The following LCORL variants were observed in gnomAD, a reference collection of about 807,000 sequenced individuals.
LCORL encodes the protein ligand dependent nuclear receptor corepressor like, also known as ligand-dependent nuclear receptor corepressor-like protein.
A neutral mutation model predicts 141.8 loss-of-function variants in LCORL; 41 were observed. That is an observed-to-expected ratio of 0.29 (90% confidence interval 0.23 to 0.38). LCORL has a LOEUF of 0.38. LCORL is among the 10% of genes least tolerant of loss of function. The probability of loss-of-function intolerance (pLI) is 1.00; values close to 1 mark genes in which losing one functional copy is unlikely to be tolerated. For synonymous variants in LCORL, 618 were observed against 694.1 expected (o/e 0.89, Z 1.72); for missense variants, 1,759 against 2,035.0 (o/e 0.86, Z 2.61).
intron 1 of LCORL, among the ~76,000 whole-genome samples, chr4:18,014,623 A>G (rs561816490): frequency 6.6e-6 from 1 of 152,340 alleles, no homozygotes; most frequent in East Asian, 1.9e-4. Context: ...AAACTATATG[A>G]AAGGAAAGGA....
chr4:17,977,368 T>A (rs1281501958), intron 1 of LCORL, among the ~76,000 whole-genome samples: 1 of 152,192 alleles, frequency 6.6e-6, no homozygotes, highest in Non-Finnish European at 1.5e-5. Flanking sequence ...CTGCCATCCA[T>A]GTATGAAAGT....
chr4:17,845,953 TATC>T, intron 7 of LCORL, 52 bp from the exon 8 acceptor site: 1 of 1,410,372 alleles, frequency 7.1e-7, no homozygotes, highest in Non-Finnish European at 9.8e-7. Context: ...TCAAAGTAAT[TATC>T]AACCTTGTAA....
chr4:17,963,345 T>C (rs961042775), intron 2 of LCORL, among the ~76,000 whole-genome samples: 3 of 152,024 alleles, frequency 2.0e-5, no homozygotes, highest in African/African-American at 7.2e-5. Context: ...AGATTCAACT[T>C]ATCATTGTGC....
At chr4:17,875,616 T>C (rs991581828) in exon 7 of LCORL, 3 of 1,231,136 alleles carry the variant, frequency 2.4e-6, no homozygotes, top group African/African-American at 1.6e-5. Context: ...TATGAGACAT[T>C]CTGGGCTTTT....
At chr4:17,976,038 C>T (rs1218734191) in intron 1 of LCORL, among the ~76,000 whole-genome samples, 2 of 152,102 alleles carry the variant, frequency 1.3e-5, no homozygotes, top group East Asian at 3.8e-4. Context: ...AATGCTCCTC[C>T]TTGTCCTTGT....
At chr4:17,886,251 A>C (rs768389798) in intron 5 of LCORL, 90 bp from the exon 6 acceptor site, 1 of 739,278 alleles carries the variant, frequency 1.4e-6, no homozygotes, top group East Asian at 2.6e-5. Context: ...GATCTAATTC[A>C]TAACACTAGT....
At chr4:17,858,760 TA>T (rs1258285353) in intron 7 of LCORL, among the ~76,000 whole-genome samples, 5 of 146,402 alleles carry the variant, frequency 3.4e-5, no homozygotes, top group African/African-American at 7.8e-5. Context: ...TAATAATAGC[TA>T]AAAAATGTCT....
At chr4:17,990,753 C>A (rs1437795386) in intron 1 of LCORL, among the ~76,000 whole-genome samples, 1 of 151,692 alleles carries the variant, frequency 6.6e-6, no homozygotes, top group Non-Finnish European at 1.5e-5. Flanking sequence ...GGCCTCAGCC[C>A]GGTCCTGGCC....
chr4:17,985,901 T>A (rs1718883727), intron 1 of LCORL, among the ~76,000 whole-genome samples: 1 of 152,198 alleles, frequency 6.6e-6, no homozygotes, highest in Non-Finnish European at 1.5e-5. Flanking sequence ...CTAGTAATGA[T>A]CTTTCCTTTC....
rs138935080 is a variant in LCORL at position 17,985,228 on chromosome 4, G to A, written c.155-12343C>T. ...AGTATGTGATGTGCCATGTGGTGAT[G>A]AGAAGTAAGTATACTCTGCTGTTTT... On this transcript the variant is annotated intron_variant, in intron 1 of 7. Coordinates refer to ENST00000635767, the Ensembl canonical transcript of LCORL. 1.1e-4 allele frequency among the ~76,000 whole-genome samples: 16 copies of A among 152,236 alleles called. No individual in the cohort carries two copies. The East Asian group carries it at 2.7e-3, about 26-fold the overall frequency.
intron 4 of LCORL, among the ~76,000 whole-genome samples, chr4:17,922,560 A>T (rs1048596291): frequency 5.3e-5 from 8 of 152,248 alleles, no homozygotes; most frequent in African/African-American, 1.7e-4. Flanking sequence ...CAAGAGGAAC[A>T]TACTGAGTCT....
At chr4:17,995,801 T>C (rs1326582205) in intron 1 of LCORL, among the ~76,000 whole-genome samples, 1 of 152,132 alleles carries the variant, frequency 6.6e-6, no homozygotes, top group African/African-American at 2.4e-5. Context: ...TGTTTTGCCC[T>C]CTCATGAAAT....
intron 1 of LCORL, among the ~76,000 whole-genome samples, chr4:17,993,885 T>C (rs561305785): frequency 6.6e-6 from 1 of 152,292 alleles, no homozygotes; most frequent in East Asian, 1.9e-4. Flanking sequence ...CTTTGAACAA[T>C]ACAATTAAAT....
At chr4:17,950,840 T>C (rs1739606314) in intron 4 of LCORL, among the ~76,000 whole-genome samples, 1 of 152,162 alleles carries the variant, frequency 6.6e-6, no homozygotes, top group Admixed American at 6.5e-5. Context: ...TGTTTGTTGT[T>C]ACAAGTGAGT....
At chr4:18,012,799 C>T (rs1724014338) in intron 1 of LCORL, among the ~76,000 whole-genome samples, 1 of 152,076 alleles carries the variant, frequency 6.6e-6, no homozygotes, top group African/African-American at 2.4e-5. Flanking sequence ...ATGAAATTAA[C>T]ATATAAAAGA....
At chr4:17,934,347 CT>C (rs1736514342) in intron 4 of LCORL, among the ~76,000 whole-genome samples, 1 of 151,986 alleles carries the variant, frequency 6.6e-6, no homozygotes, top group African/African-American at 2.4e-5. Context: ...TCTGTACTTC[CT>C]GTTTAGTTCT....
intron 1 of LCORL, among the ~76,000 whole-genome samples, chr4:18,008,775 A>G (rs746318811): frequency 1.3e-5 from 2 of 152,200 alleles, no homozygotes; most frequent in Non-Finnish European, 1.5e-5. Flanking sequence ...TCTGTAAGAC[A>G]ACATGTATAT....
intron 2 of LCORL, among the ~76,000 whole-genome samples, chr4:17,967,928 G>T (rs1463457942): frequency 2.6e-5 from 4 of 151,570 alleles, no homozygotes; most frequent in Non-Finnish European, 5.9e-5. Context: ...CACAATCTCG[G>T]CTCACTGCAA....
At chr4:17,953,918 C>T (rs564497943) in intron 4 of LCORL, among the ~76,000 whole-genome samples, 1 of 152,226 alleles carries the variant, frequency 6.6e-6, no homozygotes, top group African/African-American at 2.4e-5. Flanking sequence ...AATCCCAGCA[C>T]TTTGGGAGGC....
Sources: allele counts gnomAD v4.1 joint callset (sites outside exome capture counted in the v4.1 genomes callset), GRCh38; gene constraint gnomAD v4.1.1; transcripts MANE v1.5; gene names NCBI Gene and HGNC (gene_info 2026-07-23, HGNC 2026-07-21).